The following RBFOX1 variants were observed in gnomAD, a reference collection of about 807,000 sequenced individuals.
RBFOX1 encodes the protein RNA binding fox-1 homolog 1.
In RBFOX1, 8 loss-of-function variants were observed where a neutral mutation model predicts 57.7. The ratio of observed to expected loss-of-function variants is 0.14; its 90% CI spans 0.08 to 0.25. The LOEUF (loss-of-function observed/expected upper bound fraction) is 0.25, where lower values mean the gene tolerates loss of function less well. Ranked by LOEUF, RBFOX1 falls within the 10% of genes least tolerant of loss-of-function variation. The pLI, the probability that RBFOX1 is intolerant of heterozygous loss-of-function variation, is 1.00. For missense variants in RBFOX1, 611 were observed against 548.5 expected (o/e 1.11, Z -1.14); for synonymous variants, 326 against 222.4 (o/e 1.47, Z -4.15).
At chr16:6,915,704 C>G (rs571837347) in intron 3 of RBFOX1, among the ~76,000 whole-genome samples, 10 of 151,892 alleles carry the variant, frequency 6.6e-5, no homozygotes, top group African/African-American at 2.2e-4. Flanking sequence ...GTGCGCACCA[C>G]CATGCCTGAC....
intron 1 of RBFOX1, among the ~76,000 whole-genome samples, chr16:5,362,425 C>T (rs946375108): frequency 7.9e-5 from 12 of 152,190 alleles, no homozygotes; most frequent in African/African-American, 1.2e-4. Flanking sequence ...TGCAACGGCG[C>T]GATCTCAGCT....
chr16:6,675,455 C>A (rs1003389228), intron 3 of RBFOX1, among the ~76,000 whole-genome samples: 1 of 152,144 alleles, frequency 6.6e-6, no homozygotes, highest in Non-Finnish European at 1.5e-5. Flanking sequence ...TCAAGACTTG[C>A]ATTTGACAAA....
intron 1 of RBFOX1, among the ~76,000 whole-genome samples, chr16:6,290,247 C>G (rs1364181797): frequency 6.9e-6 from 1 of 144,060 alleles, no homozygotes; most frequent in Non-Finnish European, 1.5e-5. Context: ...GTGTGAATAA[C>G]ATGTGCACTA....
At chr16:7,218,677 T>TCCTTTTGTTCCTAACTGGCTGTGA (rs1567757403) in intron 4 of RBFOX1, among the ~76,000 whole-genome samples, 1 of 149,542 alleles carries the variant, frequency 6.7e-6, no homozygotes. Context: ...TGTGTGTGTG[T>TCCTTTTGTTCCTAACTGGCTGTGA]GTGTCCTTTT....
chr16:7,168,621 A>G (rs913327584), intron 4 of RBFOX1, among the ~76,000 whole-genome samples: 2 of 152,128 alleles, frequency 1.3e-5, no homozygotes, highest in Non-Finnish European at 2.9e-5. Flanking sequence ...AGTGGAAGCA[A>G]TTTTTATGTC....
intron 1 of RBFOX1, among the ~76,000 whole-genome samples, chr16:5,456,538 A>T (rs1323927724): frequency 6.6e-6 from 1 of 151,770 alleles, no homozygotes; most frequent in Non-Finnish European, 1.5e-5. Context: ...CTTATTTAAT[A>T]TGCCCACCCA....
chr16:7,684,306 C>A (rs1019745896), intron 14 of RBFOX1, among the ~76,000 whole-genome samples: 2 of 151,990 alleles, frequency 1.3e-5, no homozygotes, highest in Non-Finnish European at 2.9e-5. Context: ...ATTTAATTAA[C>A]ATATGAAACA....
chr16:5,487,216 C>T (rs1255026406), intron 2 of RBFOX1, among the ~76,000 whole-genome samples: 9 of 152,192 alleles, frequency 5.9e-5, no homozygotes, highest in Non-Finnish European at 4.4e-5. Context: ...AATTATCTGG[C>T]TATTGTCCAA....
chr16:5,247,767 C>G (rs1481835047), intron 1 of RBFOX1, among the ~76,000 whole-genome samples: 1 of 152,164 alleles, frequency 6.6e-6, no homozygotes, highest in African/African-American at 2.4e-5. Context: ...AATGCTGAGC[C>G]TTGTACCCCG....
chr16:5,905,734 G>A (rs973986065), intron 4 of RBFOX1, among the ~76,000 whole-genome samples: 5 of 152,040 alleles, frequency 3.3e-5, no homozygotes, highest in African/African-American at 1.2e-4. Context: ...AGAAGCCAAG[G>A]AGAGAGGACT....
At chr16:7,057,267 T>A (rs1300699596) in intron 4 of RBFOX1, among the ~76,000 whole-genome samples, 4 of 152,148 alleles carry the variant, frequency 2.6e-5, no homozygotes, top group African/African-American at 9.7e-5. Context: ...TAAGGTTGTT[T>A]GGAATGCAAA....
intron 4 of RBFOX1, among the ~76,000 whole-genome samples, chr16:6,010,730 A>G (rs1305899939): frequency 1.3e-5 from 2 of 152,226 alleles, no homozygotes; most frequent in Non-Finnish European, 2.9e-5. Flanking sequence ...TAAATTCCCA[A>G]ACGGTATCCG....
chr16:6,461,354 C>T (rs1348324211), intron 2 of RBFOX1, among the ~76,000 whole-genome samples: 1 of 152,106 alleles, frequency 6.6e-6, no homozygotes, highest in Non-Finnish European at 1.5e-5. Context: ...CGTTAAAGAC[C>T]TTATCTCCAA....
intron 3 of RBFOX1, among the ~76,000 whole-genome samples, chr16:6,656,151 G>C (rs1018281548): frequency 2.0e-5 from 3 of 152,074 alleles, no homozygotes; most frequent in African/African-American, 7.2e-5. Context: ...TAGGTGAAGC[G>C]TGTGTCCAAA....
At chr16:5,511,673 G>A (rs1183442917) in intron 2 of RBFOX1, among the ~76,000 whole-genome samples, 1 of 152,174 alleles carries the variant, frequency 6.6e-6, no homozygotes, top group Non-Finnish European at 1.5e-5. Flanking sequence ...GAGAGTTAAA[G>A]CAACTAGCCC....
At chr16:7,568,466 A>C (rs2092374450) in intron 5 of RBFOX1, among the ~76,000 whole-genome samples, 1 of 151,906 alleles carries the variant, frequency 6.6e-6, no homozygotes, top group South Asian at 2.1e-4. Flanking sequence ...AGTGAGGATG[A>C]CCAGAGGTCA....
chr16:7,673,677 C>T (rs2072336799), intron 13 of RBFOX1, among the ~76,000 whole-genome samples: 1 of 152,134 alleles, frequency 6.6e-6, no homozygotes, highest in African/African-American at 2.4e-5. Flanking sequence ...ACTTTGGTGG[C>T]CTCACTCATT....
chr16:6,822,742 G>A (rs2091517717), intron 3 of RBFOX1, among the ~76,000 whole-genome samples: 1 of 152,168 alleles, frequency 6.6e-6, no homozygotes, highest in African/African-American at 2.4e-5. Context: ...GGAAGGGAGA[G>A]GGGTGGAAAA....
intron 4 of RBFOX1, among the ~76,000 whole-genome samples, chr16:5,955,584 G>A (rs986871199): frequency 6.6e-6 from 1 of 152,050 alleles, no homozygotes; most frequent in Non-Finnish European, 1.5e-5. Context: ...TGAAATAAAT[G>A]TATAAGTCAC....
Sources: gnomAD v4.1 joint callset for allele counts (sites outside exome capture counted in the v4.1 genomes callset) on GRCh38, gnomAD v4.1.1 for gene constraint, MANE v1.5 for transcripts, NCBI Gene and HGNC (gene_info 2026-07-23, HGNC 2026-07-21) for gene names.